Variants in CTNND2 observed in about 807,000 individuals in gnomAD.
CTNND2 encodes the protein catenin delta-2.
In CTNND2, 22 loss-of-function variants were observed where a neutral mutation model predicts 144.4. The ratio of observed to expected loss-of-function variants is 0.15; its 90% CI spans 0.11 to 0.22. CTNND2 has a LOEUF of 0.22. Among genes scored for constraint, CTNND2 ranks in the 10% least tolerant of loss-of-function variants. CTNND2 has a pLI of 1.00. For missense variants in CTNND2, 1,353 were observed against 1,618.8 expected (o/e 0.84, Z 2.82); for synonymous variants, 751 against 695.6 (o/e 1.08, Z -1.25).
At chr5:11,045,087 G>T (rs1002705291) in intron 16 of CTNND2, among the ~76,000 whole-genome samples, 1 of 152,230 alleles carries the variant, frequency 6.6e-6, no homozygotes, top group Non-Finnish European at 1.5e-5. Flanking sequence ...CCATGCTCCC[G>T]CCTAAGGCTC....
At chr5:11,116,344 G>A (rs61753322) in intron 13 of CTNND2, among the ~76,000 whole-genome samples, 21,716 of 152,134 alleles carry the variant, frequency 0.14, 2,460 homozygotes, top group East Asian at 0.45. Flanking sequence ...CGGAAGCCAG[G>A]GAGGTTGCTA....
chr5:11,247,619 A>G (rs1210778866), intron 9 of CTNND2, among the ~76,000 whole-genome samples: 2 of 152,194 alleles, frequency 1.3e-5, no homozygotes, highest in Admixed American at 6.5e-5. Context: ...TTAGTCAAGC[A>G]ATGGGCTTCT....
chr5:11,854,336 T>C (rs1795155268), intron 1 of CTNND2, among the ~76,000 whole-genome samples: 1 of 152,236 alleles, frequency 6.6e-6, no homozygotes, highest in Admixed American at 6.5e-5. Flanking sequence ...CCATGGCACT[T>C]ATCAACATCT....
At chr5:11,864,958 G>A (rs67483323) in intron 1 of CTNND2, among the ~76,000 whole-genome samples, 51,167 of 135,736 alleles carry the variant, frequency 0.38, 9,835 homozygotes, top group East Asian at 0.56. Context: ...GCAATGGCAC[G>A]ATCTCAGCTC....
intron 16 of CTNND2, among the ~76,000 whole-genome samples, chr5:11,074,821 T>A (rs189575935): frequency 6.6e-6 from 1 of 152,208 alleles, no homozygotes; most frequent in African/African-American, 2.4e-5. Flanking sequence ...TATGTCGTCC[T>A]TTAAATATCA....
intron 1 of CTNND2, among the ~76,000 whole-genome samples, chr5:11,741,265 A>C (rs528891898): frequency 3.4e-4 from 52 of 152,302 alleles, no homozygotes; most frequent in Non-Finnish European, 7.4e-4. Context: ...AGACACATGC[A>C]CACGTATGTT....
At chr5:11,053,645 T>C (rs1248127274) in intron 16 of CTNND2, among the ~76,000 whole-genome samples, 2 of 152,238 alleles carry the variant, frequency 1.3e-5, no homozygotes, top group East Asian at 3.8e-4. Context: ...TTCTACTTTG[T>C]GTTCATGTGT....
intron 16 of CTNND2, among the ~76,000 whole-genome samples, chr5:11,032,959 A>G (rs1223104258): frequency 1.3e-5 from 2 of 151,974 alleles, no homozygotes; most frequent in African/African-American, 2.4e-5. Context: ...AAATCCACAC[A>G]TGTGATGACA....
intron 15 of CTNND2, among the ~76,000 whole-genome samples, chr5:11,091,295 T>G (rs1275511207): frequency 6.6e-6 from 1 of 152,208 alleles, no homozygotes; most frequent in Non-Finnish European, 1.5e-5. Context: ...ACCCCATGTA[T>G]TTTTCATTTC....
intron 1 of CTNND2, among the ~76,000 whole-genome samples, chr5:11,803,178 G>A (rs1053268072): frequency 9.2e-5 from 14 of 152,018 alleles, no homozygotes; most frequent in African/African-American, 2.7e-4. Flanking sequence ...AAATTAGCTG[G>A]GCATGGTGGC....
chr5:11,398,228 TC>T (rs1228027990), intron 5 of CTNND2, among the ~76,000 whole-genome samples: 2 of 152,170 alleles, frequency 1.3e-5, no homozygotes, highest in African/African-American at 2.4e-5. Context: ...TCATTCTTGA[TC>T]CCCCTCTTTG....
chr5:11,687,603 T>A (rs1481339414), intron 2 of CTNND2, among the ~76,000 whole-genome samples: 1 of 152,168 alleles, frequency 6.6e-6, no homozygotes, highest in East Asian at 1.9e-4. Context: ...GTGTATGAAA[T>A]CATTCCTGCA....
chr5:11,831,529 G>T (rs1793900492), intron 1 of CTNND2, among the ~76,000 whole-genome samples: 1 of 151,932 alleles, frequency 6.6e-6, no homozygotes, highest in Non-Finnish European at 1.5e-5. Context: ...TTAGCCAGGT[G>T]TGCTGGCGGG....
At chr5:11,901,052 A>C (rs1737840608) in intron 1 of CTNND2, among the ~76,000 whole-genome samples, 1 of 152,216 alleles carries the variant, frequency 6.6e-6, no homozygotes. Context: ...TCAAAATGTA[A>C]CAGTTTCTAT....
chr5:11,806,375 C>T (rs967827122), intron 1 of CTNND2, among the ~76,000 whole-genome samples: 11 of 152,040 alleles, frequency 7.2e-5, no homozygotes, highest in African/African-American at 2.7e-4. Context: ...CAATTTAAAG[C>T]AAATAAAATC....
chr5:11,804,473 T>C (rs1017848888), intron 1 of CTNND2, among the ~76,000 whole-genome samples: 4 of 152,120 alleles, frequency 2.6e-5, no homozygotes, highest in African/African-American at 9.7e-5. Context: ...AAAAGATGAA[T>C]GGATAAATAA....
At chr5:11,248,072 T>C (rs1743187773) in intron 9 of CTNND2, among the ~76,000 whole-genome samples, 1 of 152,188 alleles carries the variant, frequency 6.6e-6, no homozygotes, top group Non-Finnish European at 1.5e-5. Context: ...ATAGAAAATG[T>C]TTATGTTCAC....
At chr5:11,235,961 T>A (rs1193554535) in intron 10 of CTNND2, among the ~76,000 whole-genome samples, 1 of 152,192 alleles carries the variant, frequency 6.6e-6, no homozygotes, top group East Asian at 1.9e-4. Flanking sequence ...GTTTATAAAA[T>A]CTTTTTGAAA....
chr5:11,081,504 G>A (rs549150374), intron 16 of CTNND2, among the ~76,000 whole-genome samples: 34 of 152,276 alleles, frequency 2.2e-4, no homozygotes, highest in African/African-American at 7.7e-4. Flanking sequence ...TACCAGTTAA[G>A]CATCTCTAAT....
Sources: gnomAD v4.1 joint callset for allele counts (sites outside exome capture counted in the v4.1 genomes callset) on GRCh38, gnomAD v4.1.1 for gene constraint, MANE v1.5 for transcripts, NCBI Gene and HGNC (gene_info 2026-07-23, HGNC 2026-07-21) for gene names.